The following HECTD4 variants were observed in gnomAD, a reference collection of about 807,000 sequenced individuals.
HECTD4 encodes HECT domain E3 ubiquitin protein ligase 4.
Under a neutral mutation model 471.5 loss-of-function variants are expected in HECTD4, and 114 were observed. The ratio of observed to expected loss-of-function variants is 0.24; its 90% confidence interval spans 0.21 to 0.28. The LOEUF (loss-of-function observed/expected upper bound fraction) is 0.28. HECTD4 is among the 10% of genes least tolerant of loss of function. The pLI, the probability that HECTD4 is intolerant of heterozygous loss-of-function variation, is 1.00. For missense variants in HECTD4, 3,866 were observed against 5,651.5 expected (o/e 0.68, Z 10.13); for synonymous variants, 2,012 against 2,256.0 (o/e 0.89, Z 3.07).
chr12:112,314,632 G>T, intron 2 of HECTD4, 86 bp from the exon 3 acceptor site: 1 of 775,904 alleles, frequency 1.3e-6, no homozygotes, highest in Non-Finnish European at 2.2e-6. Flanking sequence ...TTAACCACAT[G>T]GAAAAGTTCC....
At chr12:112,165,582 A>T (rs2030916947) in intron 72 of HECTD4, among the ~76,000 whole-genome samples, 1 of 151,618 alleles carries the variant, frequency 6.6e-6, no homozygotes, top group African/African-American at 2.4e-5. Flanking sequence ...CAATCTCCTG[A>T]CCTCGTGATC....
intron 60 of HECTD4, among the ~76,000 whole-genome samples, chr12:112,189,550 C>CAAAAAAAAAAAAAA (rs57209316): frequency 8.5e-4 from 26 of 30,452 alleles, no homozygotes; most frequent in African/African-American, 2.4e-3. Context: ...GACTCCGTCT[C>CAAAAAAAAAAAAAA]AAAAAAAAAA....
intron 1 of HECTD4, among the ~76,000 whole-genome samples, chr12:112,373,606 A>G (rs759160323): frequency 6.6e-6 from 1 of 152,178 alleles, no homozygotes; most frequent in Non-Finnish European, 1.5e-5. Flanking sequence ...CAAATAAAAT[A>G]ATGGATGTGA....
intron 7 of HECTD4, among the ~76,000 whole-genome samples, chr12:112,297,433 G>C (rs2035064233): frequency 6.6e-6 from 1 of 151,756 alleles, no homozygotes; most frequent in South Asian, 2.1e-4. Flanking sequence ...GCAGTACAGA[G>C]GGTGTAGGTG....
intron 7 of HECTD4, among the ~76,000 whole-genome samples, chr12:112,296,613 G>C (rs1010378976): frequency 6.6e-6 from 1 of 151,316 alleles, no homozygotes; most frequent in Non-Finnish European, 1.5e-5. Flanking sequence ...GAGGAAGTAG[G>C]TGCATTGGAT....
intron 7 of HECTD4, among the ~76,000 whole-genome samples, chr12:112,302,977 TC>T (rs1450512799): frequency 5.1e-5 from 7 of 137,108 alleles, no homozygotes; most frequent in Non-Finnish European, 9.1e-5. Flanking sequence ...TTTTGTCTGC[TC>T]TTTTTTTTTT....
Position 112,312,808 on chromosome 12 carries a change from G to A in HECTD4, c.916+209C>T, listed in dbSNP as rs572682347. ...TGTATGGATGATATCTTTTCCTTGT[G>A]ATAATAAAACCTATCCATTTTCTTA... On this transcript the variant is annotated intron_variant, in intron 4 of 75. Transcript: ENST00000682272. Among the ~76,000 whole-genome samples, 19 of 152,190 alleles carry A rather than the reference G, an allele frequency of 1.2e-4. 1 individual carries two copies. The highest frequency in any genetic ancestry group is 4.3e-4 in the African/African-American group (18 of 41,524).
rs1319954051 is a variant in HECTD4 at position 112,261,400 on chromosome 12, G to A, written c.2778C>T (p.Ala926=). 1.2e-6 allele frequency: 2 copies of A among 1,609,492 alleles called. No individual in the cohort carries two copies. The highest frequency in any genetic ancestry group is 1.7e-6 in the Non-Finnish European group (2 of 1,176,220). ...QELKVSILAL[A]TQILTGCDEV... Reference sequence around the variant, plus strand: ...CATCACATCCAGTCAGGATTTGGGTGGCAAGAGCCAAAATACTGACTTTTA... The same window carrying A: ...CATCACATCCAGTCAGGATTTGGGTAGCAAGAGCCAAAATACTGACTTTTA... The change falls in exon 18 of 76, where the codon GCC becomes GCT. Residue 926 remains alanine (A), a synonymous_variant. Transcript: ENST00000682272.
chr12:112,331,407 G>A (rs984602400), intron 1 of HECTD4, among the ~76,000 whole-genome samples: 1 of 152,130 alleles, frequency 6.6e-6, no homozygotes, highest in Non-Finnish European at 1.5e-5. Context: ...TGAATCCAAT[G>A]TGCAGCCAAG....
At chr12:112,364,173 G>A (rs1242296314) in intron 1 of HECTD4, among the ~76,000 whole-genome samples, 2 of 152,028 alleles carry the variant, frequency 1.3e-5, no homozygotes, top group African/African-American at 2.4e-5. Flanking sequence ...GGGAGGCTAA[G>A]ACAGGTGAAT....
rs780487028 is a variant in HECTD4 at position 112,184,310 on chromosome 12, C to G, written c.10656G>C (p.Leu3552=). The G allele has an allele frequency of 6.2e-7, 1 of 1,612,006 alleles. No homozygotes were observed. Among genetic ancestry groups the G allele is most frequent in the Non-Finnish European group, 8.5e-7 (1 of 1,179,270 alleles). Residue 3552 remains leucine, a synonymous_variant, in exon 61 of 76, where the codon CTG becomes CTC. Transcript: ENST00000682272. This position sits in a 1 kb window ranked among gnomAD's most constrained non-coding sequence, Gnocchi z 9.1. ...TCTCTGCATTGTCCAGGGGCTCCCCCAGGCTGCCCAGGCTGCCCAGGCTGC... is the reference window on the plus strand; with the variant it reads ...TCTCTGCATTGTCCAGGGGCTCCCCGAGGCTGCCCAGGCTGCCCAGGCTGC... The part of the protein sequence containing the change: ...STGSLGSLGS[L]GEPLDNAETA...
At chr12:112,271,077 T>C (rs900500689) in intron 11 of HECTD4, among the ~76,000 whole-genome samples, 1 of 151,842 alleles carries the variant, frequency 6.6e-6, no homozygotes, top group East Asian at 1.9e-4. Context: ...TTTTGCTTTT[T>C]CAAAAAAAAA....
intron 1 of HECTD4, among the ~76,000 whole-genome samples, chr12:112,340,693 G>A (rs2036039440): frequency 6.6e-6 from 1 of 152,114 alleles, no homozygotes; most frequent in Non-Finnish European, 1.5e-5. Context: ...TGTGCAGTAA[G>A]GCTAACTATT....
In HECTD4 at chr12:112,163,177, C is replaced by T; in HGVS notation, c.12985G>A (p.Glu4329Lys). ...GCAAACTTGATGAACTTGCACAGCT[C>T]CTCCTGGGTGAACATCTCCAGGGCC... ...WGALEMFTQE[E>K]LCKFIKFACN... Residue 4329 changes from glutamate (E) to lysine (K), a missense_variant, in exon 75 of 76, where the codon GAG becomes AAG. Around this residue, in one of 16 missense-constraint regions of HECTD4, gnomAD observed 715 missense variants for 1,087.6 expected, o/e 0.66. Coordinates refer to ENST00000682272, the MANE Select transcript of HECTD4 (RefSeq NM_001388303.1). This position sits in a 1 kb window ranked among gnomAD's most constrained non-coding sequence, Gnocchi z 8.2. The T allele has an allele frequency of 6.2e-7, 1 of 1,613,962 alleles. No individual in the cohort carries two copies. The highest frequency in any genetic ancestry group is 1.7e-5 in the Admixed American group (1 of 60,030).
At position 112,175,785 on chromosome 12, in the gene HECTD4, T is replaced by C. The variant is rs764181925; in HGVS notation, c.11545A>G (p.Ser3849Gly). ...CAGGACAAGATCGCCCTCCAGACGCTACGGATATCTTGCCTGGCTCGGTCA... is the reference window on the plus strand; with the variant it reads ...CAGGACAAGATCGCCCTCCAGACGCCACGGATATCTTGCCTGGCTCGGTCA... The part of the protein sequence containing the change: ...VIDRARQDIR[S>G]VWRAILSCGY... Residue 3849 changes from serine to glycine, a missense_variant, in exon 66 of 76, where the codon AGC (serine) becomes GGC (glycine). By Grantham distance (56) the Ser-to-Gly change is moderately conservative. Coordinates refer to ENST00000682272, the MANE Select transcript of HECTD4 (RefSeq NM_001388303.1). The C allele has an allele frequency of 1.1e-5, 17 of 1,613,356 alleles. No individual in the cohort carries two copies. The highest frequency in any genetic ancestry group is 1.3e-5 in the African/African-American group (1 of 74,936).
At chr12:112,234,603 T>G (rs984353386) in intron 37 of HECTD4, among the ~76,000 whole-genome samples, 3 of 152,214 alleles carry the variant, frequency 2.0e-5, no homozygotes, top group Admixed American at 2.0e-4. Flanking sequence ...ACTTTCTTCT[T>G]GAGTAATCAC....
chr12:112,163,756 C>T lies in HECTD4; in HGVS notation c.12702-19G>A. Reference sequence around the variant, plus strand: ...CTCCCACCTGCCCGGGTGAGGAGCACAGGTGAGGGAGAACACCGCCGAAGA... The same window carrying T: ...CTCCCACCTGCCCGGGTGAGGAGCATAGGTGAGGGAGAACACCGCCGAAGA... On this transcript the variant is annotated intron_variant, in intron 73 of 75. Coordinates refer to ENST00000682272, the MANE Select transcript of HECTD4 (RefSeq NM_001388303.1). This position sits in a 1 kb window ranked among gnomAD's most constrained non-coding sequence, Gnocchi z 8.2. The T allele has an allele frequency of 6.9e-7, 1 of 1,440,466 alleles. No individual in the cohort carries two copies. The highest frequency in any genetic ancestry group is 9.2e-7 in the Non-Finnish European group (1 of 1,092,342). The allele number at this position is 1,440,466 out of a possible 1,614,324, so 89.2% of individuals were successfully genotyped here.
chr12:112,235,882 T>A lies in HECTD4; in HGVS notation c.5445-98A>T. 9.3e-7 allele frequency: 1 copy of A among 1,077,750 alleles called. No homozygotes were observed. Among genetic ancestry groups the A allele is most frequent in the Non-Finnish European group, 1.3e-6 (1 of 762,202 alleles). 66.8% of individuals were successfully genotyped at this position (1,077,750 alleles called of 1,614,324 possible). A position where few individuals can be genotyped will look rare whatever the true frequency, so the allele number is the denominator to read the frequency against. ...CTGAATGAAACAAACCAATGAAATC[T>A]GATTTCACGAGGAATCATGAATGTG... On this transcript the variant is annotated intron_variant, in intron 35 of 75. Coordinates refer to ENST00000682272, the MANE Select transcript of HECTD4 (RefSeq NM_001388303.1). The surrounding 1 kb of genome is among the most constrained non-coding windows in gnomAD (Gnocchi z 5.0).
At chr12:112,223,993 A>T (rs2033164809) in intron 44 of HECTD4, among the ~76,000 whole-genome samples, 1 of 152,166 alleles carries the variant, frequency 6.6e-6, no homozygotes. Flanking sequence ...TAAAGTAAAA[A>T]ATTTTAATAC....
Sources: allele counts gnomAD v4.1 joint callset (sites outside exome capture counted in the v4.1 genomes callset), GRCh38; gene constraint gnomAD v4.1.1; regional missense constraint gnomAD v4.1.1; non-coding constraint Gnocchi (gnomAD v3.1); transcripts MANE v1.5; gene names NCBI Gene and HGNC (gene_info 2026-07-23, HGNC 2026-07-21).